The following FAM135B variants were observed in gnomAD, a reference collection of about 807,000 sequenced individuals.
The protein encoded by FAM135B is family with sequence similarity 135 member B.
A neutral mutation model predicts 127.7 loss-of-function variants in FAM135B; 43 were observed. The observed-to-expected ratio is 0.34, with a 90% CI of 0.26 to 0.43. The LOEUF (loss-of-function observed/expected upper bound fraction) is 0.43, where lower values mean the gene tolerates loss of function less well. Among genes scored for constraint, FAM135B ranks in the 20% least tolerant of loss-of-function variants. The pLI is 1.00. For missense variants in FAM135B, 1,558 were observed against 1,725.6 expected (o/e 0.90, Z 1.72); for synonymous variants, 670 against 665.1 (o/e 1.01, Z -0.11).
intron 1 of FAM135B, among the ~76,000 whole-genome samples, chr8:138,382,456 G>C (rs1831917469): frequency 6.6e-6 from 1 of 152,096 alleles, no homozygotes; most frequent in Admixed American, 6.5e-5. Context: ...AGGGATATGG[G>C]GGGTTTGGGG....
Position 138,232,287 on chromosome 8 carries a change from C to T in FAM135B, c.669+10655G>A, listed in dbSNP as rs578196690. 5.3e-5 allele frequency among the ~76,000 whole-genome samples: 8 copies of T among 152,310 alleles called. No individual in the cohort carries two copies. In the East Asian group the frequency reaches 1.5e-3, roughly 29 times the overall value. On this transcript the variant is annotated intron_variant, in intron 7 of 19. Coordinates refer to ENST00000395297, the MANE Select transcript of FAM135B (RefSeq NM_015912.4). ...GACTGTCTGGGAAGGAATTCCAGTGCCTCATTGTCACCATGTGACATCTCC... is the reference window on the plus strand; with the variant it reads ...GACTGTCTGGGAAGGAATTCCAGTGTCTCATTGTCACCATGTGACATCTCC...
chr8:138,246,245 T>A, intron 6 of FAM135B, among the ~76,000 whole-genome samples: 1 of 152,164 alleles, frequency 6.6e-6, no homozygotes, highest in East Asian at 1.9e-4. Context: ...AGGGACCCAA[T>A]GTTAATCACC....
At chr8:138,172,929 G>C (rs1406930155) in intron 11 of FAM135B, among the ~76,000 whole-genome samples, 1 of 152,186 alleles carries the variant, frequency 6.6e-6, no homozygotes, top group African/African-American at 2.4e-5. Context: ...CAAGTGGGGA[G>C]AGACAAGCCT....
chr8:138,441,833 T>C (rs1835785878), intron 1 of FAM135B: 1 of 151,900 alleles, frequency 6.6e-6, no homozygotes, highest in Admixed American at 6.6e-5. Context: ...AAGGGGGTAG[T>C]CTGAAGACTC....
At chr8:138,365,403 A>T (rs1349406332) in intron 2 of FAM135B, among the ~76,000 whole-genome samples, 1 of 152,142 alleles carries the variant, frequency 6.6e-6, no homozygotes, top group African/African-American at 2.4e-5. Context: ...TATTTTGTTA[A>T]CGGTGATTAT....
intron 7 of FAM135B, among the ~76,000 whole-genome samples, chr8:138,240,989 C>T (rs187420724): frequency 1.3e-5 from 2 of 152,270 alleles, no homozygotes; most frequent in African/African-American, 2.4e-5. Flanking sequence ...GTTCTGAGGG[C>T]CAGCACTGGC....
Position 138,195,267 on chromosome 8 carries a change from T to G in FAM135B, c.864A>C (p.Ser288=). 2 of 1,613,924 alleles carry G rather than the reference T, an allele frequency of 1.2e-6. No homozygotes were observed. Among genetic ancestry groups the G allele is most frequent in the Non-Finnish European group, 1.7e-6 (2 of 1,179,946 alleles). Reference sequence around the variant, plus strand: ...CCAGTTCTCCAATTACCTGTAGCTCTGAGCACAGCTGAGAAAGTGTTTCTT... The same window carrying G: ...CCAGTTCTCCAATTACCTGTAGCTCGGAGCACAGCTGAGAAAGTGTTTCTT... The part of the protein sequence containing the change: ...AVEETLSQLC[S]ELQMLNNPEK... Residue 288 remains serine (S), a synonymous_variant, in exon 9 of 20, where the codon TCA becomes TCC. Coordinates refer to ENST00000395297, the MANE Select transcript of FAM135B (RefSeq NM_015912.4).
intron 3 of FAM135B, among the ~76,000 whole-genome samples, chr8:138,301,919 G>A (rs1402684345): frequency 6.6e-6 from 1 of 152,074 alleles, no homozygotes; most frequent in Non-Finnish European, 1.5e-5. Flanking sequence ...GCATCTCAGG[G>A]TTCAGAGAGA....
chr8:138,340,502 A>G (rs1255165990), intron 2 of FAM135B, among the ~76,000 whole-genome samples: 1 of 152,132 alleles, frequency 6.6e-6, no homozygotes, highest in Non-Finnish European at 1.5e-5. Flanking sequence ...AGACGGAGAG[A>G]GGATGATGGG....
intron 1 of FAM135B, among the ~76,000 whole-genome samples, chr8:138,476,142 T>C (rs1283631591): frequency 2.0e-5 from 3 of 152,140 alleles, no homozygotes; most frequent in Non-Finnish European, 4.4e-5. Context: ...ATTCTAACTA[T>C]ATAATATTTT....
At chr8:138,384,411 G>A (rs888875693) in intron 1 of FAM135B, among the ~76,000 whole-genome samples, 29 of 151,582 alleles carry the variant, frequency 1.9e-4, no homozygotes, top group African/African-American at 6.1e-4. Context: ...AGATGTATTG[G>A]GGGCCTATTA....
At chr8:138,387,587 G>T (rs1444444690) in intron 1 of FAM135B, among the ~76,000 whole-genome samples, 1 of 152,066 alleles carries the variant, frequency 6.6e-6, no homozygotes, top group African/African-American at 2.4e-5. Flanking sequence ...AAGTGCTGAG[G>T]GTTGGGACTC....
chr8:138,169,939 C>A (rs1253737244), intron 11 of FAM135B, among the ~76,000 whole-genome samples: 1 of 152,138 alleles, frequency 6.6e-6, no homozygotes, highest in Non-Finnish European at 1.5e-5. Context: ...CAATGCCTAG[C>A]AAGTGTTGAA....
chr8:138,287,446 T>A (rs1824777874), intron 3 of FAM135B, among the ~76,000 whole-genome samples: 1 of 148,198 alleles, frequency 6.7e-6, no homozygotes, highest in Non-Finnish European at 1.5e-5. Context: ...TTGGAAGTCT[T>A]TTTTTTTTTT....
In FAM135B at chr8:138,444,411, C is replaced by A. The variant is rs566350872; in HGVS notation, c.-20+52260G>T. Among the ~76,000 whole-genome samples the A allele has an allele frequency of 9.2e-4, 140 of 152,300 alleles. 1 individual carries two copies. The highest frequency in any genetic ancestry group is 3.2e-3 in the African/African-American group (131 of 41,572). On this transcript the variant is annotated intron_variant, in intron 1 of 19. Coordinates refer to ENST00000395297, the MANE Select transcript of FAM135B (RefSeq NM_015912.4). Reference sequence around the variant, plus strand: ...ACCACATAGTTGGAAGTAAAGCACTCCTCAGCAAATGTGAAAGAACAGAAA... The same window carrying A: ...ACCACATAGTTGGAAGTAAAGCACTACTCAGCAAATGTGAAAGAACAGAAA...
At chr8:138,367,461 A>C (rs1218113641) in intron 2 of FAM135B, 2 of 457,250 alleles carry the variant, frequency 4.4e-6, no homozygotes, top group Non-Finnish European at 8.8e-6. Flanking sequence ...GATGTTTGCA[A>C]ATACCAACCT....
intron 9 of FAM135B, among the ~76,000 whole-genome samples, chr8:138,189,415 C>G (rs1178751294): frequency 6.6e-6 from 1 of 152,232 alleles, no homozygotes; most frequent in African/African-American, 2.4e-5. Flanking sequence ...TCGCGTACCA[C>G]AGGTGTGGAT....
chr8:138,165,337 C>T (rs61602432), intron 12 of FAM135B, among the ~76,000 whole-genome samples: 9,320 of 151,924 alleles, frequency 0.061, 495 homozygotes, highest in East Asian at 0.16. Context: ...TCAGGCTGGT[C>T]TCGAACTCCC....
chr8:138,273,086 A>T (rs1454764983), intron 3 of FAM135B, among the ~76,000 whole-genome samples: 1 of 152,240 alleles, frequency 6.6e-6, no homozygotes, highest in Admixed American at 6.5e-5. Flanking sequence ...GTGAATAAAC[A>T]TGCTGCTGGA....
Sources: allele counts gnomAD v4.1 joint callset (sites outside exome capture counted in the v4.1 genomes callset), GRCh38; gene constraint gnomAD v4.1.1; transcripts MANE v1.5; gene names NCBI Gene and HGNC (gene_info 2026-07-23, HGNC 2026-07-21).